CSMD3: variants seen among roughly 807,000 people sequenced by gnomAD.
CSMD3 encodes the protein CUB and Sushi multiple domains 3.
Under a neutral mutation model 435.2 loss-of-function variants are expected in CSMD3, and 177 were observed. The ratio of observed to expected loss-of-function variants is 0.41; its 90% CI spans 0.36 to 0.46. CSMD3 has a LOEUF of 0.46. Ranked by LOEUF, CSMD3 falls within the 20% of genes least tolerant of loss-of-function variation. The probability of loss-of-function intolerance (pLI) is 0.34; values close to 1 mark genes in which losing one functional copy is unlikely to be tolerated. For missense variants in CSMD3, 4,265 were observed against 4,504.6 expected, an observed-to-expected ratio of 0.95 and a Z score of 1.52; for synonymous variants, 1,656 against 1,520.5, an observed-to-expected ratio of 1.09 and a Z score of -2.07.
chr8:113,088,850 T>A (rs946046225), intron 5 of CSMD3, among the ~76,000 whole-genome samples: 12 of 151,900 alleles, frequency 7.9e-5, no homozygotes, highest in Non-Finnish European at 1.3e-4. Context: ...CCCTAAAACT[T>A]AAAGTATAAT....
intron 61 of CSMD3, among the ~76,000 whole-genome samples, chr8:112,260,325 T>C (rs1351520942): frequency 1.3e-5 from 2 of 152,132 alleles, no homozygotes; most frequent in Non-Finnish European, 2.9e-5. Flanking sequence ...CCCTAAATGA[T>C]GGCAGAGTAA....
intron 10 of CSMD3, among the ~76,000 whole-genome samples, chr8:112,914,504 A>G (rs1288649033): frequency 6.6e-6 from 1 of 151,640 alleles, no homozygotes; most frequent in Admixed American, 6.6e-5. Context: ...TGTAAGACAA[A>G]GTAAGCAGAA....
At chr8:113,294,948 ATGT>A (rs952970369) in intron 2 of CSMD3, among the ~76,000 whole-genome samples, 80 of 152,162 alleles carry the variant, frequency 5.3e-4, no homozygotes, top group African/African-American at 1.9e-3. Flanking sequence ...TACTGAGTTA[ATGT>A]TTTACACATT....
chr8:112,294,074 A>G (rs1820028191), intron 54 of CSMD3, among the ~76,000 whole-genome samples: 1 of 151,616 alleles, frequency 6.6e-6, no homozygotes, highest in Non-Finnish European at 1.5e-5. Flanking sequence ...AAATCATCAG[A>G]CAATCAATTT....
At chr8:113,265,089 G>A (rs1354099781) in intron 3 of CSMD3, among the ~76,000 whole-genome samples, 2 of 151,504 alleles carry the variant, frequency 1.3e-5, no homozygotes, top group African/African-American at 2.4e-5. Flanking sequence ...GTTGCTAAAC[G>A]TGTCATATCT....
chr8:113,058,585 A>G (rs1331467037), intron 5 of CSMD3, among the ~76,000 whole-genome samples: 1 of 151,988 alleles, frequency 6.6e-6, no homozygotes, highest in East Asian at 1.9e-4. Context: ...TATATTAGAA[A>G]CATTCATAAT....
chr8:113,242,337 T>TA (rs1351383565), intron 3 of CSMD3, among the ~76,000 whole-genome samples: 1 of 151,918 alleles, frequency 6.6e-6, no homozygotes, highest in Non-Finnish European at 1.5e-5. Context: ...GATATCAACT[T>TA]AGAGACTGAG....
In CSMD3 at chr8:112,351,679, A is replaced by G. The variant is rs1274809431; in HGVS notation, c.6256-435T>C. On this transcript the variant is annotated intron_variant, in intron 39 of 70. Transcript: ENST00000297405. ...CAAGTCAAAGTATATTAACTTTTATATTGAAATATAAAGTCCTGAAAGATC... is the reference window on the plus strand; with the variant it reads ...CAAGTCAAAGTATATTAACTTTTATGTTGAAATATAAAGTCCTGAAAGATC... 3.9e-5 allele frequency among the ~76,000 whole-genome samples: 6 copies of G among 151,948 alleles called. No individual in the cohort carries two copies. The East Asian group carries it at 1.2e-3, about 29-fold the overall frequency.
intron 3 of CSMD3, among the ~76,000 whole-genome samples, chr8:113,215,099 T>A (rs866824697): frequency 6.6e-6 from 1 of 151,918 alleles, no homozygotes; most frequent in Non-Finnish European, 1.5e-5. Context: ...TAATAAAATA[T>A]CATTTTTATG....
intron 3 of CSMD3, among the ~76,000 whole-genome samples, chr8:113,198,430 C>G (rs995422674): frequency 4.6e-5 from 7 of 151,100 alleles, no homozygotes; most frequent in Admixed American, 2.0e-4. Flanking sequence ...GCTGGGTGAC[C>G]TTCAGCAAGA....
intron 58 of CSMD3, among the ~76,000 whole-genome samples, chr8:112,286,424 C>G (rs2130626504): frequency 6.6e-6 from 1 of 152,182 alleles, no homozygotes; most frequent in South Asian, 2.1e-4. Flanking sequence ...AGTGAATCAT[C>G]CCTTGTCCAG....
At chr8:113,401,850 T>C (rs527642375) in intron 1 of CSMD3, among the ~76,000 whole-genome samples, 1 of 151,716 alleles carries the variant, frequency 6.6e-6, no homozygotes, top group African/African-American at 2.4e-5. Flanking sequence ...TACAATTGCC[T>C]GTAGTGTTCA....
chr8:112,621,772 T>C (rs541581905), intron 22 of CSMD3, among the ~76,000 whole-genome samples: 22 of 152,304 alleles, frequency 1.4e-4, no homozygotes, highest in African/African-American at 5.3e-4. Context: ...AGGGCTTGGC[T>C]TCTTCTCAGT....
intron 1 of CSMD3, among the ~76,000 whole-genome samples, chr8:113,428,522 C>G (rs2094650505): frequency 6.6e-6 from 1 of 151,644 alleles, no homozygotes; most frequent in Non-Finnish European, 1.5e-5. Flanking sequence ...AGATAACAAT[C>G]TCTATATAGG....
At chr8:112,658,877 C>A (rs187108755) in intron 17 of CSMD3, among the ~76,000 whole-genome samples, 2 of 152,220 alleles carry the variant, frequency 1.3e-5, no homozygotes, top group East Asian at 3.9e-4. Context: ...ATCACTTGAA[C>A]CTGGGAGGCG....
chr8:112,839,868 T>A (rs1194122459), intron 11 of CSMD3, among the ~76,000 whole-genome samples: 1 of 151,794 alleles, frequency 6.6e-6, no homozygotes, highest in Non-Finnish European at 1.5e-5. Flanking sequence ...TAATGAACCA[T>A]GCAATGAGTT....
In CSMD3 at chr8:112,556,958, G is replaced by A. The variant is rs758660177; in HGVS notation, c.4043-4C>T. The A allele has an allele frequency of 1.3e-5, 21 of 1,603,344 alleles. No individual in the cohort carries two copies. The highest frequency in any genetic ancestry group is 4.5e-5 in the East Asian group (2 of 44,704). On this transcript the variant is annotated splice_region_variant and splice_polypyrimidine_tract_variant and intron_variant, in intron 24 of 70. Coordinates refer to ENST00000297405, the MANE Select transcript of CSMD3 (RefSeq NM_198123.2). Reference sequence around the variant, plus strand: ...TCACAGTGTGAGAGTTCAAAACCTGGGACAAAAATATAAATTGATTAAAGG... The same window carrying A: ...TCACAGTGTGAGAGTTCAAAACCTGAGACAAAAATATAAATTGATTAAAGG...
At chr8:112,513,994 A>G (rs947061938) in intron 28 of CSMD3, among the ~76,000 whole-genome samples, 1 of 152,162 alleles carries the variant, frequency 6.6e-6, no homozygotes, top group African/African-American at 2.4e-5. Context: ...AATTTATTAC[A>G]TATAGTAAAG....
At position 112,254,261 on chromosome 8, in the gene CSMD3, C is replaced by T. The variant is rs776027510; in HGVS notation, c.10102G>A (p.Gly3368Arg). Reference sequence around the variant, plus strand: ...ATAGCTAAAGTACCCACTTGAAATCCGAATGTATTGTTCTGAGATCCATGC... The same window carrying T: ...ATAGCTAAAGTACCCACTTGAAATCTGAATGTATTGTTCTGAGATCCATGC... ...PRHGSQNNTF[G>R]FQVGSVVQFH... Residue 3368 changes from glycine (G) to arginine (R), a missense_variant, in exon 63 of 71, where the codon GGA (glycine) becomes AGA (arginine). Physicochemically the swap from Gly to Arg is moderately radical, Grantham distance 125. Transcript: ENST00000297405. 8 of 1,611,324 alleles carry T rather than the reference C, an allele frequency of 5.0e-6. No individual in the cohort carries two copies. Among genetic ancestry groups the T allele is most frequent in the Middle Eastern group, 1.6e-4 (1 of 6,076 alleles).
Sources: allele counts gnomAD v4.1 joint callset (sites outside exome capture counted in the v4.1 genomes callset), GRCh38; gene constraint gnomAD v4.1.1; transcripts MANE v1.5; gene names NCBI Gene and HGNC (gene_info 2026-07-23, HGNC 2026-07-21).